TBC1D5: variants seen among roughly 807,000 people sequenced by gnomAD.
TBC1D5 encodes the protein TBC1 domain family, member 5.
In TBC1D5, 75 loss-of-function variants were observed where a neutral mutation model predicts 100.3. The observed-to-expected ratio is 0.75, with a 90% confidence interval of 0.62 to 0.91. TBC1D5 has a LOEUF of 0.91. TBC1D5 is among the 40% of genes least tolerant of loss of function. TBC1D5 has a pLI of 0.00. For missense variants in TBC1D5, 910 were observed against 942.4 expected (o/e 0.97, Z 0.45); for synonymous variants, 323 against 325.6 (o/e 0.99, Z 0.09).
chr3:17,160,368 G>C (rs1167529405), exon 22 of TBC1D5: 2 of 152,110 alleles, frequency 1.3e-5, no homozygotes, highest in African/African-American at 4.8e-5. Context: ...GGTCAGTAAT[G>C]AGGTTTTTTC....
intron 8 of TBC1D5, among the ~76,000 whole-genome samples, chr3:17,387,854 G>C (rs1303747689): frequency 6.6e-6 from 1 of 151,078 alleles, no homozygotes; most frequent in Non-Finnish European, 1.5e-5. Flanking sequence ...AAAATAAAGA[G>C]AGAAATTTAG....
intron 2 of TBC1D5, among the ~76,000 whole-genome samples, chr3:17,617,692 T>A (rs1553881263): frequency 6.6e-6 from 1 of 152,232 alleles, no homozygotes; most frequent in Non-Finnish European, 1.5e-5. Context: ...TCAAATCTGC[T>A]ATTGAAGCTT....
rs893179146 is a variant in TBC1D5, at chr3:17,340,143, G to A, written c.995+31932C>T. 7.2e-5 allele frequency among the ~76,000 whole-genome samples: 11 copies of A among 152,176 alleles called. No homozygotes were observed. The East Asian group carries it at 7.7e-4, about 11-fold the overall frequency. On this transcript the variant is annotated intron_variant, in intron 13 of 21. Coordinates refer to ENST00000253692, the Ensembl canonical transcript of TBC1D5. ...AGATGGAAGTGACGGGTACTGGGGG[G>A]TAAAGTAACACAAGAGGGAGATAGC...
At chr3:17,657,521 A>G (rs1577276424) in intron 1 of TBC1D5, among the ~76,000 whole-genome samples, 1 of 151,602 alleles carries the variant, frequency 6.6e-6, no homozygotes, top group Non-Finnish European at 1.5e-5. Flanking sequence ...TATTTTAGTA[A>G]AGACAGGGTT....
At chr3:17,199,736 A>G (rs946718202) in intron 18 of TBC1D5, among the ~76,000 whole-genome samples, 5 of 152,350 alleles carry the variant, frequency 3.3e-5, no homozygotes, top group Non-Finnish European at 5.9e-5. Context: ...CACCAGGAAT[A>G]AAAAGGTGAT....
At chr3:17,439,807 T>C (rs140626610) in intron 3 of TBC1D5, among the ~76,000 whole-genome samples, 285 of 152,336 alleles carry the variant, frequency 1.9e-3, no homozygotes, top group African/African-American at 6.7e-3. Flanking sequence ...TTCCTTTAAA[T>C]ATGCTAGGAA....
intron 2 of TBC1D5, among the ~76,000 whole-genome samples, chr3:17,526,672 T>C (rs1275817090): frequency 6.6e-6 from 1 of 152,204 alleles, no homozygotes; most frequent in Non-Finnish European, 1.5e-5. Flanking sequence ...CCCTGAAGTA[T>C]TCAGAATATC....
At chr3:17,358,106 G>C (rs968630069) in intron 13 of TBC1D5, among the ~76,000 whole-genome samples, 1 of 152,128 alleles carries the variant, frequency 6.6e-6, no homozygotes, top group African/African-American at 2.4e-5. Flanking sequence ...AGAGAAACTA[G>C]ATCTCTGGTT....
chr3:17,440,424 G>C (rs1377901753), intron 3 of TBC1D5, among the ~76,000 whole-genome samples: 3 of 152,216 alleles, frequency 2.0e-5, no homozygotes, highest in Admixed American at 2.0e-4. Context: ...TCAGGAGTTT[G>C]AGACCAGCCT....
At chr3:17,318,903 C>T (rs2085029711) in intron 13 of TBC1D5, among the ~76,000 whole-genome samples, 1 of 152,002 alleles carries the variant, frequency 6.6e-6, no homozygotes, top group South Asian at 2.1e-4. Context: ...TTCATGAGTA[C>T]CCCAGTTAAA....
At chr3:17,483,130 C>A (rs1334194122) in intron 3 of TBC1D5, among the ~76,000 whole-genome samples, 1 of 152,142 alleles carries the variant, frequency 6.6e-6, no homozygotes, top group Non-Finnish European at 1.5e-5. Context: ...TGCTCTCACA[C>A]CCGAACTTCG....
intron 3 of TBC1D5, among the ~76,000 whole-genome samples, chr3:17,431,453 A>G (rs1313303216): frequency 6.6e-6 from 1 of 152,014 alleles, no homozygotes; most frequent in African/African-American, 2.4e-5. Context: ...CAGTAAAAGA[A>G]TCTAGATGTC....
chr3:17,623,254 C>T (rs909557844), intron 2 of TBC1D5, among the ~76,000 whole-genome samples: 6 of 152,134 alleles, frequency 3.9e-5, no homozygotes, highest in East Asian at 1.9e-4. Context: ...GTATCTAGGA[C>T]GCTCTCAGGT....
At chr3:17,631,138 C>A (rs1466830389) in intron 1 of TBC1D5, among the ~76,000 whole-genome samples, 3 of 151,612 alleles carry the variant, frequency 2.0e-5, no homozygotes, top group Non-Finnish European at 2.9e-5. Flanking sequence ...AGTGCTATTC[C>A]AATGAACACA....
intron 3 of TBC1D5, among the ~76,000 whole-genome samples, chr3:17,475,174 G>A (rs1027400524): frequency 3.3e-5 from 5 of 150,202 alleles, no homozygotes; most frequent in African/African-American, 1.2e-4. Flanking sequence ...GTTCTACCTT[G>A]CCCCGCCCCA....
At chr3:17,182,294 T>G (rs1434643052) in intron 19 of TBC1D5, among the ~76,000 whole-genome samples, 1 of 152,190 alleles carries the variant, frequency 6.6e-6, no homozygotes, top group East Asian at 1.9e-4. Context: ...TCAACAGCTA[T>G]GTGAACGAGT....
intron 1 of TBC1D5, among the ~76,000 whole-genome samples, chr3:17,666,040 ATTT>A (rs2067221348): frequency 6.6e-6 from 1 of 152,170 alleles, no homozygotes; most frequent in South Asian, 2.1e-4. Flanking sequence ...AACACATTCT[ATTT>A]CATCTTTCTA....
Position 17,304,697 on chromosome 3 carries a change from T to G in TBC1D5, c.1138+3295A>C, listed in dbSNP as rs188014428. On this transcript the variant is annotated intron_variant, in intron 14 of 21. Coordinates refer to ENST00000253692, the Ensembl canonical transcript of TBC1D5. ...CTGGGATTACAGTTTCGAGCCACCA[T>G]GCTTGGCTTTTTCATAGATCTAATT... 1.6e-4 allele frequency among the ~76,000 whole-genome samples: 25 copies of G among 152,304 alleles called. 1 individual carries two copies. The East Asian group carries it at 4.6e-3, about 28-fold the overall frequency.
intron 2 of TBC1D5, among the ~76,000 whole-genome samples, chr3:17,620,974 T>A (rs2062611769): frequency 6.6e-6 from 1 of 152,180 alleles, no homozygotes; most frequent in African/African-American, 2.4e-5. Flanking sequence ...AATTTCAAAC[T>A]TTTTTTGGTA....
Sources: allele counts gnomAD v4.1 joint callset (sites outside exome capture counted in the v4.1 genomes callset), GRCh38; gene constraint gnomAD v4.1.1; transcripts MANE v1.5; gene names NCBI Gene and HGNC (gene_info 2026-07-23, HGNC 2026-07-21).